KIF21A: variants seen among roughly 807,000 people sequenced by gnomAD.
KIF21A encodes the protein kinesin family member 21A, also known as kinesin-like protein KIF21A.
KIF21A carries 114 observed loss-of-function variants against 202.9 expected under a neutral mutation model. The observed-to-expected ratio is 0.56, with a 90% CI of 0.48 to 0.66. The LOEUF (loss-of-function observed/expected upper bound fraction) is 0.66, where lower values mean the gene tolerates loss of function less well. Among genes scored for constraint, KIF21A ranks in the 30% least tolerant of loss-of-function variants. KIF21A has a pLI of 0.00. For missense variants in KIF21A, 1,677 were observed against 1,994.9 expected, an observed-to-expected ratio of 0.84 and a Z score of 3.04; for synonymous variants, 667 against 670.8, an observed-to-expected ratio of 0.99 and a Z score of 0.09.
At chr12:39,300,389 T>C (rs1043943124) in intron 37 of KIF21A, among the ~76,000 whole-genome samples, 1 of 151,976 alleles carries the variant, frequency 6.6e-6, no homozygotes, top group African/African-American at 2.4e-5. Context: ...AAAAACAAAA[T>C]AAATCGGCTC....
intron 1 of KIF21A, among the ~76,000 whole-genome samples, chr12:39,390,231 G>C (rs1168319247): frequency 1.3e-5 from 2 of 152,114 alleles, no homozygotes; most frequent in African/African-American, 2.4e-5. Context: ...TTTCTCACTT[G>C]TGCAATCCAC....
intron 1 of KIF21A, among the ~76,000 whole-genome samples, chr12:39,390,366 A>T (rs1363321248): frequency 6.6e-6 from 1 of 152,200 alleles, no homozygotes; most frequent in Non-Finnish European, 1.5e-5. Flanking sequence ...AGACAATAGC[A>T]CTCAATTTAT....
chr12:39,436,284 C>T (rs1333266287), intron 1 of KIF21A, among the ~76,000 whole-genome samples: 1 of 151,414 alleles, frequency 6.6e-6, no homozygotes, highest in Non-Finnish European at 1.5e-5. Context: ...GTCATGTGAC[C>T]TCAATCAATT....
rs975199447 is a variant in KIF21A at position 39,330,337 on chromosome 12, C to G, written c.3320-75G>C. On this transcript the variant is annotated intron_variant, in intron 23 of 37. Coordinates refer to ENST00000361418, the MANE Select transcript of KIF21A (RefSeq NM_001173464.2). ...ACAGATCCAATGTTAAAAACTCCCACATAAAACAAGATTATGTACCATTTA... is the reference window on the plus strand; with the variant it reads ...ACAGATCCAATGTTAAAAACTCCCAGATAAAACAAGATTATGTACCATTTA... 4 of 1,319,204 alleles carry G rather than the reference C, an allele frequency of 3.0e-6. No homozygotes were observed. In the East Asian group the frequency reaches 6.9e-5, roughly 23 times the overall value. 81.7% of individuals were successfully genotyped at this position (1,319,204 alleles called of 1,614,324 possible). A position where few individuals can be genotyped will look rare whatever the true frequency, so the allele number is the denominator to read the frequency against.
At position 39,442,854 on chromosome 12, in the gene KIF21A, C is replaced by T. The variant is rs1939847647; in HGVS notation, c.44+73G>A. 6.7e-7 allele frequency: 1 copy of T among 1,502,412 alleles called. No individual in the cohort carries two copies. Among genetic ancestry groups the T allele is most frequent in the Admixed American group, 2.0e-5 (1 of 49,944 alleles). 93.1% of individuals were successfully genotyped at this position (1,502,412 alleles called of 1,614,324 possible). ...TCGCTCCACCCCGGTAGCCGGTGCT[C>T]CGCGCCACAGCCAGGTCCTTGCCGC... On this transcript the variant is annotated intron_variant, in intron 1 of 37. Coordinates refer to ENST00000361418, the MANE Select transcript of KIF21A (RefSeq NM_001173464.2). This position sits in a 1 kb window ranked among gnomAD's most constrained non-coding sequence, Gnocchi z 5.0.
chr12:39,419,956 C>T (rs1048088416), intron 1 of KIF21A, among the ~76,000 whole-genome samples: 5 of 151,684 alleles, frequency 3.3e-5, no homozygotes, highest in East Asian at 1.9e-4. Flanking sequence ...AGTGTCCACC[C>T]GGAGAGGAGA....
At chr12:39,430,739 T>A (rs992976770) in intron 1 of KIF21A, among the ~76,000 whole-genome samples, 22 of 152,202 alleles carry the variant, frequency 1.4e-4, no homozygotes, top group African/African-American at 5.3e-4. Context: ...CCAAATTTCA[T>A]GTATTAGAAA....
chr12:39,319,732 A>C (rs1189008072), intron 28 of KIF21A, among the ~76,000 whole-genome samples, 174 bp downstream of exon 28: 1 of 151,974 alleles, frequency 6.6e-6, no homozygotes, highest in Non-Finnish European at 1.5e-5. Context: ...TGTATGACCA[A>C]GAATATTAGA....
intron 17 of KIF21A, among the ~76,000 whole-genome samples, chr12:39,334,987 CA>C (rs1293619077): frequency 1.3e-5 from 2 of 151,894 alleles, no homozygotes; most frequent in Non-Finnish European, 2.9e-5. Flanking sequence ...AATAAACAGC[CA>C]AAAAATGGAA....
At chr12:39,302,801 C>T (rs182536135) in intron 36 of KIF21A, among the ~76,000 whole-genome samples, 164 bp downstream of exon 36, 94 of 152,206 alleles carry the variant, frequency 6.2e-4, no homozygotes, top group Non-Finnish European at 1.2e-3. Flanking sequence ...TTCCCTTCTC[C>T]CAGTGAAGAA....
At chr12:39,300,331 T>C (rs756402404) in intron 37 of KIF21A, among the ~76,000 whole-genome samples, 2 of 152,080 alleles carry the variant, frequency 1.3e-5, no homozygotes, top group Non-Finnish European at 2.9e-5. Context: ...CAGAAAGTAA[T>C]GCATCTTGGA....
Position 39,358,238 on chromosome 12 carries a change from T to A in KIF21A, c.1155A>T (p.Gln385His). Residue 385 changes from glutamine to histidine, a missense_variant, in exon 8 of 38, where the codon CAA becomes CAT. Transcript: ENST00000361418. Reference protein sequence around the residue: ...VMVNQDRASQQINALRSEITR... With the variant: ...VMVNQDRASQHINALRSEITR... The stretch of plus-strand genomic sequence containing the variant: ...TGATTTCACTACGAAGTGCATTGAT[T>A]TGCTGACTAGCTCTGTCCTGATTGA... The A allele has an allele frequency of 6.2e-7, 1 of 1,614,134 alleles. No individual in the cohort carries two copies. The highest frequency in any genetic ancestry group is 8.5e-7 in the Non-Finnish European group (1 of 1,180,002).
chr12:39,375,306 TGA>T (rs1301799621), intron 1 of KIF21A, among the ~76,000 whole-genome samples: 1 of 152,204 alleles, frequency 6.6e-6, no homozygotes, highest in African/African-American at 2.4e-5. Flanking sequence ...TTAGCAAAAC[TGA>T]GTTTATACAT....
chr12:39,416,747 A>G (rs1308344831), intron 1 of KIF21A, among the ~76,000 whole-genome samples: 4 of 134,380 alleles, frequency 3.0e-5, no homozygotes, highest in African/African-American at 1.2e-4. Context: ...GTATATATAT[A>G]TGTACATATA....
chr12:39,318,524 G>C (rs1944833891), intron 28 of KIF21A, among the ~76,000 whole-genome samples: 1 of 152,158 alleles, frequency 6.6e-6, no homozygotes, highest in Non-Finnish European at 1.5e-5. Context: ...GATGAGGAAA[G>C]AGACCCAGAG....
At chr12:39,343,222 T>C (rs973742677) in intron 12 of KIF21A, among the ~76,000 whole-genome samples, 1 of 152,028 alleles carries the variant, frequency 6.6e-6, no homozygotes. Flanking sequence ...CAGCCTGGCA[T>C]AGTGACGCAC....
At chr12:39,415,764 T>C (rs1953525726) in intron 1 of KIF21A, among the ~76,000 whole-genome samples, 1 of 152,186 alleles carries the variant, frequency 6.6e-6, no homozygotes, top group South Asian at 2.1e-4. Context: ...CTCCCACCTT[T>C]GCCTCTCCCC....
At chr12:39,406,159 C>CA (rs763658801) in intron 1 of KIF21A, among the ~76,000 whole-genome samples, 3,397 of 145,146 alleles carry the variant, frequency 0.023, 53 homozygotes, top group African/African-American at 0.031. Context: ...CCACTTCCTC[C>CA]AAAAAAAAAA....
intron 27 of KIF21A, chr12:39,321,734 T>C (rs1565748172): frequency 6.6e-6 from 1 of 152,232 alleles, no homozygotes; most frequent in African/African-American, 2.4e-5. Context: ...GTTTGTTATT[T>C]TGTATTATTT....
Sources: allele counts gnomAD v4.1 joint callset (sites outside exome capture counted in the v4.1 genomes callset), GRCh38; gene constraint gnomAD v4.1.1; non-coding constraint Gnocchi (gnomAD v3.1); transcripts MANE v1.5; gene names NCBI Gene and HGNC (gene_info 2026-07-23, HGNC 2026-07-21).